DHX29: variants seen among roughly 807,000 people sequenced by gnomAD.
The protein encoded by DHX29 is DExH-box helicase 29.
In DHX29, 79 loss-of-function variants were observed where a neutral mutation model predicts 167.9. The observed-to-expected ratio is 0.47, with a 90% CI of 0.39 to 0.57. The LOEUF is 0.57. Among genes scored for constraint, DHX29 ranks in the 20% least tolerant of loss-of-function variants. The pLI, the probability that DHX29 is intolerant of heterozygous loss-of-function variation, is 0.00. For synonymous variants in DHX29, 530 were observed against 546.0 expected, an observed-to-expected ratio of 0.97 and a Z score of 0.41; for missense variants, 1,347 against 1,593.4, an observed-to-expected ratio of 0.85 and a Z score of 2.63.
In DHX29 at chr5:55,283,741, C is replaced by T; in HGVS notation, c.1427G>A (p.Arg476Lys). Residue 476 changes from arginine (R) to lysine (K), a missense_variant, in exon 11 of 27, where the codon AGG becomes AAG. Arg to Lys is a conservative substitution (Grantham distance 26, BLOSUM62 2). Transcript: ENST00000251636. ...GGTTTCCATTTTATTTAATTCTTCCCTTTTCTTTTCTGCATCACTCCACTC... is the reference window on the plus strand; with the variant it reads ...GGTTTCCATTTTATTTAATTCTTCCTTTTTCTTTTCTGCATCACTCCACTC... Reference protein sequence around the residue: ...WLEWSDAEKKREELNKMETNK... With the variant: ...WLEWSDAEKKKEELNKMETNK... 6.2e-7 allele frequency: 1 copy of T among 1,613,488 alleles called. No homozygotes were observed. Among genetic ancestry groups the T allele is most frequent in the East Asian group, 2.2e-5 (1 of 44,866 alleles).
chr5:55,297,298 G>A lies in DHX29; in HGVS notation c.362C>T (p.Ala121Val). 1 of 1,562,638 alleles carries A rather than the reference G, an allele frequency of 6.4e-7. No homozygotes were observed. Among genetic ancestry groups the A allele is most frequent in the Non-Finnish European group, 8.8e-7 (1 of 1,136,906 alleles). The change falls in exon 3 of 27, where the codon GCC (alanine) becomes GTC (valine). Residue 121 changes from alanine to valine, a missense_variant. Ala to Val is a moderately conservative substitution (Grantham distance 64, BLOSUM62 0). Coordinates refer to ENST00000251636, the MANE Select transcript of DHX29 (RefSeq NM_019030.4). ...DKGMISGRLT[A>V]KKLQDLYMAL... ...TTTGCAAAATACCTGCAATTTTTTG[G>A]CAGTAAGTCTTCCAGAAATCATTCC... is the stretch of plus-strand genomic sequence containing the variant.
At chr5:55,257,925 C>T (rs906573132) in intron 26 of DHX29, among the ~76,000 whole-genome samples, 11 of 152,154 alleles carry the variant, frequency 7.2e-5, no homozygotes, top group Admixed American at 2.0e-4. Flanking sequence ...GAGAAAAGAG[C>T]CCACGTCTTA....
In DHX29 at chr5:55,267,246, T is replaced by C; in HGVS notation, c.3432-15A>G. ...CTTTCTTCCATCTAGATAAATAAAA[T>C]GTCAATTAATGAATAAAGTTCACCA... is the stretch of plus-strand genomic sequence containing the variant. On this transcript the variant is annotated splice_polypyrimidine_tract_variant and intron_variant, in intron 22 of 26. Coordinates refer to ENST00000251636, the MANE Select transcript of DHX29 (RefSeq NM_019030.4). 1 of 1,574,076 alleles carries C rather than the reference T, an allele frequency of 6.4e-7. No homozygotes were observed. The highest frequency in any genetic ancestry group is 8.7e-7 in the Non-Finnish European group (1 of 1,145,726).
intron 12 of DHX29, among the ~76,000 whole-genome samples, chr5:55,279,282 G>A (rs1208132209): frequency 1.3e-5 from 2 of 152,156 alleles, no homozygotes; most frequent in African/African-American, 4.8e-5. Flanking sequence ...GTTTGACCAG[G>A]TGACTGGGGA....
chr5:55,289,519 G>T, intron 7 of DHX29, 91 bp from the exon 8 acceptor site: 1 of 1,049,654 alleles, frequency 9.5e-7, no homozygotes, highest in South Asian at 2.2e-5. Context: ...TATACACCAA[G>T]AGTTTCATGG....
Position 55,262,928 on chromosome 5 carries a change from A to G in DHX29, c.3530T>C (p.Val1177Ala). 1 of 1,608,858 alleles carries G rather than the reference A, an allele frequency of 6.2e-7. No individual in the cohort carries two copies. The change falls in exon 24 of 27, where the codon GTA becomes GCA. Residue 1177 changes from valine to alanine, a missense_variant. Coordinates refer to ENST00000251636, the MANE Select transcript of DHX29 (RefSeq NM_019030.4). The stretch of plus-strand genomic sequence containing the variant: ...AACCAACTTTATTAACTCCTGCTTT[A>G]CATCCTAGATTGGTTTATGTTAAAA... ...NRTSLLTLED[V>A]KQELIKLVKA... is the part of the protein sequence containing the mutation.
At position 55,290,360 on chromosome 5, in the gene DHX29, C is replaced by A; in HGVS notation, c.781-16G>T. ...ACCTTTCATTCTGTTCCAAATAAAA[C>A]AATGAGGAGGGGGAAAAAAAAAGAA... is the stretch of plus-strand genomic sequence containing the variant. On this transcript the variant is annotated splice_polypyrimidine_tract_variant and intron_variant, in intron 6 of 26. Coordinates refer to ENST00000251636, the MANE Select transcript of DHX29 (RefSeq NM_019030.4). The A allele has an allele frequency of 6.4e-7, 1 of 1,557,822 alleles. No individual in the cohort carries two copies. Among genetic ancestry groups the A allele is most frequent in the Admixed American group, 2.1e-5 (1 of 47,192 alleles).
At chr5:55,299,004 T>C (rs922076843) in intron 1 of DHX29, among the ~76,000 whole-genome samples, 6 of 129,662 alleles carry the variant, frequency 4.6e-5, no homozygotes, top group South Asian at 2.3e-4. Flanking sequence ...CAGTCCGCAG[T>C]CCGGCCTGGG....
At chr5:55,298,104 A>G (rs549248757) in intron 2 of DHX29, among the ~76,000 whole-genome samples, 1 of 152,318 alleles carries the variant, frequency 6.6e-6, no homozygotes, top group East Asian at 1.9e-4. Context: ...TATATCAAGT[A>G]ATAGTAGAAC....
In DHX29 at chr5:55,272,158, A is replaced by G. The variant is rs368831583; in HGVS notation, c.2793T>C (p.Asn931=). The change falls in exon 18 of 27, where the codon AAT becomes AAC. Residue 931 remains asparagine, a synonymous_variant. Coordinates refer to ENST00000251636, the MANE Select transcript of DHX29 (RefSeq NM_019030.4). Reference sequence around the variant, plus strand: ...GAATAGTGATACCCGTCTCTGCAATATTGGTTGCTAAAACAATCTGAAAAT... The same window carrying G: ...GAATAGTGATACCCGTCTCTGCAATGTTGGTTGCTAAAACAATCTGAAAAT... ...PGVRKIVLAT[N]IAETGITIPD... 6.3e-7 allele frequency: 1 copy of G among 1,579,142 alleles called. No individual in the cohort carries two copies. The highest frequency in any genetic ancestry group is 1.4e-5 in the African/African-American group (1 of 72,874).
chr5:55,260,478 G>GTCGC (rs1746262550), intron 25 of DHX29, among the ~76,000 whole-genome samples: 1 of 134,696 alleles, frequency 7.4e-6, no homozygotes, highest in Non-Finnish European at 1.6e-5. Context: ...TGATCCACCT[G>GTCGC]CCTCGGCCTC....
chr5:55,272,288 C>T, intron 17 of DHX29, 113 bp from the exon 18 acceptor site: 1 of 697,404 alleles, frequency 1.4e-6, no homozygotes, highest in Non-Finnish European at 2.4e-6. Flanking sequence ...CAATTTCAGT[C>T]ACAAAAATTT....
chr5:55,302,858 G>A (rs1273040644), intron 1 of DHX29, among the ~76,000 whole-genome samples: 1 of 152,138 alleles, frequency 6.6e-6, no homozygotes, highest in African/African-American at 2.4e-5. Flanking sequence ...ATTTATGACA[G>A]CTACTTTCCT....
In DHX29 at chr5:55,306,428, A is replaced by G. The variant is rs1420561752; in HGVS notation, c.187+959T>C. Among the ~76,000 whole-genome samples, 10 of 152,230 alleles carry G rather than the reference A, an allele frequency of 6.6e-5. No homozygotes were observed. In the East Asian group the frequency reaches 1.2e-3, roughly 18 times the overall value. ...ACTGTTACATTTCCAGACACCATCC[A>G]TGATACCTGCTCATCCCGAGAAAAA... On this transcript the variant is annotated intron_variant, in intron 1 of 26. Transcript: ENST00000251636.
At chr5:55,297,719 A>G (rs1019210619) in intron 2 of DHX29, among the ~76,000 whole-genome samples, 3 of 152,318 alleles carry the variant, frequency 2.0e-5, no homozygotes, top group Admixed American at 1.3e-4. Context: ...AACATACTGA[A>G]TCAGAATTCT....
intron 23 of DHX29, among the ~76,000 whole-genome samples, chr5:55,264,644 G>A (rs1366750379): frequency 6.6e-6 from 1 of 152,090 alleles, no homozygotes; most frequent in South Asian, 2.1e-4. Flanking sequence ...ACTTCCCAAA[G>A]AGGGGACAAT....
At chr5:55,262,593 T>C (rs928388913) in intron 24 of DHX29, 37 bp downstream of exon 24, 3 of 1,596,574 alleles carry the variant, frequency 1.9e-6, no homozygotes, top group Non-Finnish European at 2.6e-6. Context: ...TGCAGAATAA[T>C]GCTCTGAATA....
Position 55,267,676 on chromosome 5 carries a change from A to G in DHX29, c.3431+10T>C. ...TTGGCTTACTGATAACAGCCAGATT[A>G]TGTTTTTACCCTAGATATGCATTGT... On this transcript the variant is annotated intron_variant, in intron 22 of 26. Transcript: ENST00000251636. 1 of 1,592,266 alleles carries G rather than the reference A, an allele frequency of 6.3e-7. No homozygotes were observed. Among genetic ancestry groups the G allele is most frequent in the Non-Finnish European group, 8.6e-7 (1 of 1,169,356 alleles).
intron 1 of DHX29, among the ~76,000 whole-genome samples, chr5:55,302,288 C>A (rs1748643514): frequency 6.6e-6 from 1 of 152,114 alleles, no homozygotes; most frequent in Admixed American, 6.5e-5. Context: ...CCAAACACAT[C>A]AAGAGGCCCC....
Sources: allele counts gnomAD v4.1 joint callset (sites outside exome capture counted in the v4.1 genomes callset), GRCh38; gene constraint gnomAD v4.1.1; transcripts MANE v1.5; gene names NCBI Gene and HGNC (gene_info 2026-07-23, HGNC 2026-07-21).